DNAJC1: variants seen among roughly 807,000 people sequenced by gnomAD.
DNAJC1 encodes the protein DnaJ heat shock protein family (Hsp40) member C1.
In DNAJC1, 58 loss-of-function variants were observed where a neutral mutation model predicts 76.6. The observed-to-expected ratio is 0.76, with a 90% CI of 0.61 to 0.94. The LOEUF (loss-of-function observed/expected upper bound fraction) is 0.94, where lower values mean the gene tolerates loss of function less well. Ranked by LOEUF, DNAJC1 falls within the 40% of genes least tolerant of loss-of-function variation. The pLI is 0.00. For synonymous variants in DNAJC1, 258 were observed against 267.9 expected (o/e 0.96, Z 0.36); for missense variants, 689 against 677.3 (o/e 1.02, Z -0.19).
At chr10:22,002,456 G>T (rs1180779321) in intron 1 of DNAJC1, among the ~76,000 whole-genome samples, 1 of 151,930 alleles carries the variant, frequency 6.6e-6, no homozygotes, top group Non-Finnish European at 1.5e-5. Flanking sequence ...AGAAGAAAAC[G>T]AAATGAAACA....
chr10:21,880,869 T>TCTTC (rs1222537302), intron 8 of DNAJC1, among the ~76,000 whole-genome samples: 1 of 152,218 alleles, frequency 6.6e-6, no homozygotes, highest in Admixed American at 6.5e-5. Flanking sequence ...GGCATCAACT[T>TCTTC]CTTCCCCTCT....
intron 9 of DNAJC1, among the ~76,000 whole-genome samples, chr10:21,770,488 C>G (rs543700450): frequency 1.2e-3 from 184 of 151,138 alleles, no homozygotes; most frequent in African/African-American, 4.3e-3. Flanking sequence ...GCCTCCGCCT[C>G]CAAGGTTCAA....
At chr10:21,762,413 G>T (rs959660189) in intron 10 of DNAJC1, among the ~76,000 whole-genome samples, 1 of 152,068 alleles carries the variant, frequency 6.6e-6, no homozygotes, top group Admixed American at 6.6e-5. Flanking sequence ...CTCCAAATTT[G>T]CTTTATTTTG....
At chr10:21,856,309 A>G (rs1590017591) in intron 8 of DNAJC1, among the ~76,000 whole-genome samples, 1 of 152,348 alleles carries the variant, frequency 6.6e-6, no homozygotes, top group African/African-American at 2.4e-5. Context: ...TAAATTATAC[A>G]AAAAAGTAAT....
At chr10:21,790,828 C>A (rs1475117088) in intron 9 of DNAJC1, among the ~76,000 whole-genome samples, 2 of 152,010 alleles carry the variant, frequency 1.3e-5, no homozygotes, top group African/African-American at 4.8e-5. Flanking sequence ...CCTAAAACAA[C>A]AAGAAAACAA....
intron 8 of DNAJC1, among the ~76,000 whole-genome samples, chr10:21,876,099 T>C (rs1836183677): frequency 6.6e-6 from 1 of 151,882 alleles, no homozygotes; most frequent in South Asian, 2.1e-4. Context: ...TGCAACACAT[T>C]ATTGAAAAAA....
chr10:21,809,959 T>A (rs1397359698), intron 8 of DNAJC1, among the ~76,000 whole-genome samples: 1 of 149,232 alleles, frequency 6.7e-6, no homozygotes, highest in Non-Finnish European at 1.5e-5. Context: ...TGTATGTGTG[T>A]GGCGGGGTGG....
intron 1 of DNAJC1, among the ~76,000 whole-genome samples, chr10:21,992,687 G>C (rs189740962): frequency 5.5e-4 from 84 of 152,260 alleles, no homozygotes; most frequent in Admixed American, 4.9e-3. Context: ...GCTTGAAAAA[G>C]TGTGTCAGCT....
chr10:21,852,528 T>C (rs938846866), intron 8 of DNAJC1, among the ~76,000 whole-genome samples: 2 of 152,162 alleles, frequency 1.3e-5, no homozygotes, highest in East Asian at 1.9e-4. Flanking sequence ...TCATACCTCA[T>C]TGTGAGATCC....
At chr10:21,850,685 A>G (rs1474367651) in intron 8 of DNAJC1, among the ~76,000 whole-genome samples, 1 of 152,164 alleles carries the variant, frequency 6.6e-6, no homozygotes, top group East Asian at 1.9e-4. Context: ...GCTAAAATTA[A>G]TTAAAATCTC....
In DNAJC1 at chr10:21,806,006, G is replaced by A. The variant is rs755887271; in HGVS notation, c.1072C>T (p.His358Tyr). ...TCTGTCACAGATCGACCCAATTCGT[G>A]GGCAATCTTTTCCCATCGACCTGGA... The part of the protein sequence containing the change: ...GTPGRWEKIA[H>Y]ELGRSVTDVT... The change falls in exon 9 of 12, where the codon CAC becomes TAC. Residue 358 changes from histidine (H) to tyrosine (Y), a missense_variant. Physicochemically the swap from His to Tyr is moderately conservative, Grantham distance 83 (BLOSUM62 2). Transcript: ENST00000376980. 6.2e-7 allele frequency: 1 copy of A among 1,611,454 alleles called. No individual in the cohort carries two copies. The highest frequency in any genetic ancestry group is 8.5e-7 in the Non-Finnish European group (1 of 1,179,506).
intron 1 of DNAJC1, among the ~76,000 whole-genome samples, chr10:21,996,048 T>A (rs1838411408): frequency 6.6e-6 from 1 of 152,208 alleles, no homozygotes. Context: ...ATTAAGTGTT[T>A]TGATGAAAAT....
At chr10:21,812,724 T>C (rs1834988828) in intron 8 of DNAJC1, among the ~76,000 whole-genome samples, 1 of 152,116 alleles carries the variant, frequency 6.6e-6, no homozygotes, top group South Asian at 2.1e-4. Context: ...GACCTTATAT[T>C]TTCATTTAAA....
intron 8 of DNAJC1, among the ~76,000 whole-genome samples, chr10:21,854,350 T>A (rs1590016775): frequency 2.3e-5 from 3 of 131,250 alleles, no homozygotes; most frequent in Non-Finnish European, 1.6e-5. Context: ...TGTGGATCTT[T>A]AAAAAAAAAA....
At chr10:21,774,217 A>T (rs905890661) in intron 9 of DNAJC1, among the ~76,000 whole-genome samples, 1 of 152,022 alleles carries the variant, frequency 6.6e-6, no homozygotes, top group Non-Finnish European at 1.5e-5. Context: ...CAAGCACAGT[A>T]GTATAATTCT....
chr10:21,819,160 T>C (rs1009341617), intron 8 of DNAJC1, among the ~76,000 whole-genome samples: 3 of 152,192 alleles, frequency 2.0e-5, no homozygotes, highest in East Asian at 1.9e-4. Flanking sequence ...TACCAGCATC[T>C]TGGGAGGCCA....
chr10:21,840,331 A>G (rs1835553995), intron 8 of DNAJC1, among the ~76,000 whole-genome samples: 1 of 152,232 alleles, frequency 6.6e-6, no homozygotes, highest in South Asian at 2.1e-4. Flanking sequence ...TGCAGACGAC[A>G]TGATTGTATA....
At chr10:21,996,129 ATC>A (rs1203945780) in intron 1 of DNAJC1, among the ~76,000 whole-genome samples, 1 of 152,192 alleles carries the variant, frequency 6.6e-6, no homozygotes, top group South Asian at 2.1e-4. Flanking sequence ...CCAATCAGAA[ATC>A]TCTCTTTCCA....
At chr10:21,790,656 G>T (rs1176522761) in intron 9 of DNAJC1, among the ~76,000 whole-genome samples, 1 of 152,092 alleles carries the variant, frequency 6.6e-6, no homozygotes, top group East Asian at 1.9e-4. Context: ...AGGAAGTCCT[G>T]CATCTGGCAG....
Sources: gnomAD v4.1 joint callset for allele counts (sites outside exome capture counted in the v4.1 genomes callset) on GRCh38, gnomAD v4.1.1 for gene constraint, MANE v1.5 for transcripts, NCBI Gene and HGNC (gene_info 2026-07-23, HGNC 2026-07-21) for gene names.